Variants in PAWR observed in about 807,000 individuals in gnomAD.
PAWR encodes pro-apoptotic WT1 regulator.
A neutral mutation model predicts 32.0 loss-of-function variants in PAWR; 23 were observed. The observed-to-expected ratio is 0.72, with a 90% CI of 0.52 to 1.02. The LOEUF (loss-of-function observed/expected upper bound fraction) is 1.02, where lower values mean the gene tolerates loss of function less well. PAWR is among the 50% of genes least tolerant of loss of function. The probability of loss-of-function intolerance (pLI) is 0.00; values close to 1 mark genes in which losing one functional copy is unlikely to be tolerated. For synonymous variants in PAWR, 226 were observed against 187.1 expected, an observed-to-expected ratio of 1.21 and a Z score of -1.70; for missense variants, 457 against 437.7, an observed-to-expected ratio of 1.04 and a Z score of -0.39.
At chr12:79,662,795 C>T (rs1877412535) in intron 2 of PAWR, among the ~76,000 whole-genome samples, 1 of 152,150 alleles carries the variant, frequency 6.6e-6, no homozygotes, top group African/African-American at 2.4e-5. Context: ...TTACTAAGCA[C>T]TCTTAGCACT....
intron 4 of PAWR, among the ~76,000 whole-genome samples, chr12:79,608,526 C>T (rs1874297640): frequency 6.6e-6 from 1 of 152,162 alleles, no homozygotes; most frequent in African/African-American, 2.4e-5. Context: ...GGACTGGCTC[C>T]TAACAGGCCA....
At chr12:79,625,637 G>A (rs527725539) in intron 2 of PAWR, among the ~76,000 whole-genome samples, 48 of 151,976 alleles carry the variant, frequency 3.2e-4, no homozygotes, top group Non-Finnish European at 5.9e-4. Context: ...TGGCTAACAC[G>A]GTGAAACCCT....
At chr12:79,681,135 AGGGGAGGGGT>A in intron 2 of PAWR, among the ~76,000 whole-genome samples, 1 of 1,422 alleles carries the variant, frequency 7.0e-4, no homozygotes, top group Non-Finnish European at 1.4e-3. Context: ...AAGGGAGGGG[AGGGGAGGGGT>A]GGGGAGGGGA....
At chr12:79,685,429 T>TCAATAAA (rs1878637886) in intron 2 of PAWR, among the ~76,000 whole-genome samples, 1 of 152,230 alleles carries the variant, frequency 6.6e-6, no homozygotes, top group Non-Finnish European at 1.5e-5. Context: ...TATATAATGT[T>TCAATAAA]CAATAAACAT....
At chr12:79,629,649 C>T (rs1374174949) in intron 2 of PAWR, among the ~76,000 whole-genome samples, 2 of 151,516 alleles carry the variant, frequency 1.3e-5, no homozygotes, top group East Asian at 3.9e-4. Context: ...TAGAACACTC[C>T]CCCCACAAAA....
chr12:79,632,360 TA>T (rs1374569514), intron 2 of PAWR, among the ~76,000 whole-genome samples: 47 of 49,676 alleles, frequency 9.5e-4, no homozygotes, highest in Non-Finnish European at 1.4e-3. Context: ...TATATATATA[TA>T]TTTTTTTTTT....
At chr12:79,621,777 AT>A (rs1875030402) in intron 2 of PAWR, among the ~76,000 whole-genome samples, 1 of 152,188 alleles carries the variant, frequency 6.6e-6, no homozygotes. Flanking sequence ...AGAATTACAC[AT>A]GTAACAGCAT....
intron 3 of PAWR, among the ~76,000 whole-genome samples, chr12:79,614,935 T>C (rs967329181): frequency 2.6e-5 from 4 of 152,218 alleles, no homozygotes; most frequent in African/African-American, 9.6e-5. Flanking sequence ...CCTCTATCAG[T>C]GTCTACTGAT....
intron 3 of PAWR, among the ~76,000 whole-genome samples, chr12:79,616,826 T>C (rs985024737): frequency 1.3e-5 from 2 of 151,796 alleles, no homozygotes; most frequent in South Asian, 2.1e-4. Context: ...AACTCCCACA[T>C]ACTACGTTGG....
intron 2 of PAWR, among the ~76,000 whole-genome samples, chr12:79,639,833 C>CTATTCCT (rs1313531485): frequency 7.8e-6 from 1 of 127,506 alleles, no homozygotes; most frequent in Admixed American, 7.4e-5. Context: ...TTTCCTTTTC[C>CTATTCCT]ATTCCTATTC....
intron 2 of PAWR, among the ~76,000 whole-genome samples, chr12:79,629,042 G>C (rs1347566724): frequency 6.6e-6 from 1 of 151,876 alleles, no homozygotes; most frequent in Non-Finnish European, 1.5e-5. Context: ...CAACGCTAAA[G>C]ATAAAATTGA....
intron 2 of PAWR, among the ~76,000 whole-genome samples, chr12:79,666,665 CAGT>C (rs1877620694): frequency 6.6e-6 from 1 of 152,160 alleles, no homozygotes; most frequent in African/African-American, 2.4e-5. Flanking sequence ...AAATGTTAAA[CAGT>C]GGACCAATTT....
intron 2 of PAWR, among the ~76,000 whole-genome samples, chr12:79,661,943 C>A (rs1415520600): frequency 2.6e-5 from 4 of 151,934 alleles, no homozygotes; most frequent in South Asian, 4.2e-4. Flanking sequence ...AAACAATAAC[C>A]TAAATGTTGC....
intron 4 of PAWR, among the ~76,000 whole-genome samples, chr12:79,608,552 C>T (rs1234337952): frequency 1.3e-5 from 2 of 152,162 alleles, no homozygotes; most frequent in African/African-American, 2.4e-5. Context: ...AGGTAGCAGT[C>T]CACACCCTGA....
chr12:79,595,271 C>A (rs1565995658), intron 5 of PAWR, among the ~76,000 whole-genome samples: 3 of 151,738 alleles, frequency 2.0e-5, no homozygotes, highest in Non-Finnish European at 1.5e-5. Context: ...TTTCTTTAAA[C>A]AATGCAACAT....
At chr12:79,627,707 A>C (rs1875409809) in intron 2 of PAWR, among the ~76,000 whole-genome samples, 1 of 152,160 alleles carries the variant, frequency 6.6e-6, no homozygotes. Context: ...TTTTGAGACA[A>C]AGAAGGCCAA....
intron 2 of PAWR, among the ~76,000 whole-genome samples, chr12:79,628,539 CAAAT>C (rs1005864474): frequency 1.3e-5 from 2 of 151,786 alleles, no homozygotes; most frequent in African/African-American, 4.8e-5. Flanking sequence ...AAAAATCTGT[CAAAT>C]AAAGGTTCTA....
chr12:79,607,094 G>A (rs1039053226), intron 4 of PAWR, among the ~76,000 whole-genome samples: 1 of 152,130 alleles, frequency 6.6e-6, no homozygotes, highest in African/African-American at 2.4e-5. Flanking sequence ...ATGCCTGACA[G>A]CATTGGGTAA....
chr12:79,604,566 A>C, intron 4 of PAWR: 1 of 1,248,782 alleles, frequency 8.0e-7, no homozygotes, highest in East Asian at 5.8e-5. Flanking sequence ...TCAAATATTC[A>C]GAAGTACAGG....
Sources: gnomAD v4.1 joint callset for allele counts (sites outside exome capture counted in the v4.1 genomes callset) on GRCh38, gnomAD v4.1.1 for gene constraint, MANE v1.5 for transcripts, NCBI Gene and HGNC (gene_info 2026-07-23, HGNC 2026-07-21) for gene names.